DIAPH2: variants seen among roughly 807,000 people sequenced by gnomAD.
DIAPH2 encodes the protein diaphanous related formin 2, also known as protein diaphanous homolog 2.
In DIAPH2, 35 loss-of-function variants were observed where a neutral mutation model predicts 92.7. The observed-to-expected ratio is 0.38, with a 90% CI of 0.29 to 0.50. The LOEUF (loss-of-function observed/expected upper bound fraction) is 0.50. DIAPH2 is among the 20% of genes least tolerant of loss of function. The pLI, the probability that DIAPH2 is intolerant of heterozygous loss-of-function variation, is 0.94. For missense variants in DIAPH2, 701 were observed against 819.5 expected, an observed-to-expected ratio of 0.86 and a Z score of 1.77; for synonymous variants, 301 against 280.4, an observed-to-expected ratio of 1.07 and a Z score of -0.73.
chrX:97,442,453 A>G (rs1046556458), intron 26 of DIAPH2, among the ~76,000 whole-genome samples: 1 of 112,864 alleles, frequency 8.9e-6, no homozygotes, highest in African/African-American at 3.2e-5. Flanking sequence ...ACAGGTTGTC[A>G]TAAGTACCTT....
intron 26 of DIAPH2, among the ~76,000 whole-genome samples, chrX:97,531,182 A>G (rs185651406): frequency 9.0e-6 from 1 of 111,652 alleles, no homozygotes; most frequent in Non-Finnish European, 1.9e-5. Context: ...TAATAGAGAT[A>G]GGTTGTATTG....
In DIAPH2 at chrX:97,330,128, T is replaced by C. The variant is rs748971808; in HGVS notation, c.2845-17988T>C. ...GTGTGTGTGTATGTGTGTGTATGTG[T>C]GTGTAGAGTTAGTGACCTAAATAGA... On this transcript the variant is annotated intron_variant, in intron 23 of 26. Transcript: ENST00000324765. Among the ~76,000 whole-genome samples, 8 of 108,758 alleles carry C rather than the reference T, an allele frequency of 7.4e-5. No individual in the cohort carries two copies. The South Asian group carries it at 1.7e-3, about 23-fold the overall frequency. 94.4% of individuals were successfully genotyped at this position (108,758 alleles called of 115,157 possible).
At chrX:97,064,678 C>T (rs1189358355) in intron 17 of DIAPH2, among the ~76,000 whole-genome samples, 1 of 111,113 alleles carries the variant, frequency 9.0e-6, no homozygotes, top group African/African-American at 3.3e-5. Context: ...GAAGAAACCA[C>T]AGCTTTGAGT....
At position 97,039,520 on chromosome X, in the gene DIAPH2, A is replaced by C. The variant is rs181991726; in HGVS notation, c.2051-33421A>C. ...GAAACAGAAGAGTATAATAATTGTG[A>C]TAGGGACTCAAGAGAAATTATACAA... is the stretch of plus-strand genomic sequence containing the variant. On this transcript the variant is annotated intron_variant, in intron 17 of 26. Coordinates refer to ENST00000324765, the MANE Select transcript of DIAPH2 (RefSeq NM_006729.5). 2.8e-3 allele frequency among the ~76,000 whole-genome samples: 318 copies of C among 111,662 alleles called. 2 individuals are homozygous for C. Among genetic ancestry groups the C allele is most frequent in the Non-Finnish European group, 5.0e-3 (265 of 53,067 alleles).
intron 26 of DIAPH2, chrX:97,528,962 T>G (rs1193343896): frequency 9.1e-6 from 1 of 110,046 alleles, no homozygotes; most frequent in Non-Finnish European, 1.9e-5. Flanking sequence ...TAATCTCAGC[T>G]ACTCAGGAGA....
chrX:96,725,006 T>C (rs2064012365), intron 1 of DIAPH2, among the ~76,000 whole-genome samples: 1 of 111,415 alleles, frequency 9.0e-6, no homozygotes, highest in South Asian at 3.8e-4. Flanking sequence ...CAGCTCTTAC[T>C]CCACTTCAAT....
At chrX:96,687,361 G>A (rs1043693322) in intron 1 of DIAPH2, among the ~76,000 whole-genome samples, 1 of 112,023 alleles carries the variant, frequency 8.9e-6, no homozygotes, top group Non-Finnish European at 1.9e-5. Context: ...GATTCATAAG[G>A]TATAAGGCTT....
chrX:97,273,049 G>C (rs1010665567), intron 23 of DIAPH2, among the ~76,000 whole-genome samples: 2 of 111,838 alleles, frequency 1.8e-5, no homozygotes, highest in Non-Finnish European at 3.8e-5. Flanking sequence ...CAGCTACTCG[G>C]GAGGCTGAGG....
intron 21 of DIAPH2, among the ~76,000 whole-genome samples, chrX:97,128,047 A>G (rs781510318): frequency 8.1e-4 from 90 of 111,210 alleles, no homozygotes; most frequent in African/African-American, 2.9e-3. Flanking sequence ...GGGTTCTTGG[A>G]TCTCGCACAA....
chrX:96,981,183 A>C (rs2065994910), intron 17 of DIAPH2, among the ~76,000 whole-genome samples: 1 of 109,986 alleles, frequency 9.1e-6, no homozygotes, highest in East Asian at 2.8e-4. Context: ...GGGAAAAAAA[A>C]AAATTGTATA....
chrX:96,923,095 A>G (rs2065556928), intron 9 of DIAPH2, among the ~76,000 whole-genome samples: 2 of 111,731 alleles, frequency 1.8e-5, no homozygotes, highest in South Asian at 7.4e-4. Context: ...TATACTGAGC[A>G]TGAATAATGG....
intron 19 of DIAPH2, among the ~76,000 whole-genome samples, chrX:97,087,626 A>G (rs949129933): frequency 1.8e-5 from 2 of 111,824 alleles, no homozygotes; most frequent in Non-Finnish European, 3.8e-5. Context: ...ATACTTATAA[A>G]AATTGGTTAT....
At chrX:97,227,903 T>A (rs1014695681) in intron 22 of DIAPH2, among the ~76,000 whole-genome samples, 11 of 111,445 alleles carry the variant, frequency 9.9e-5, no homozygotes, top group Non-Finnish European at 1.9e-4. Flanking sequence ...TAAAAAAATT[T>A]TTTTTCAATA....
chrX:97,484,670 G>A (rs757864997), intron 26 of DIAPH2, among the ~76,000 whole-genome samples: 2 of 111,572 alleles, frequency 1.8e-5, no homozygotes, highest in South Asian at 3.8e-4. Context: ...AGGCCGAGGC[G>A]GGCAGATCAC....
At chrX:97,055,867 C>G (rs552191952) in intron 17 of DIAPH2, among the ~76,000 whole-genome samples, 1 of 111,364 alleles carries the variant, frequency 9.0e-6, no homozygotes, top group African/African-American at 3.3e-5. Context: ...CTTCCTATAT[C>G]GATGTATATA....
At chrX:97,335,050 TAA>T (rs1439631395) in intron 23 of DIAPH2, among the ~76,000 whole-genome samples, 12 of 97,643 alleles carry the variant, frequency 1.2e-4, no homozygotes, top group Admixed American at 5.7e-4. Flanking sequence ...CATGCTGGTT[TAA>T]AACAGTTTTG....
intron 17 of DIAPH2, among the ~76,000 whole-genome samples, chrX:97,066,076 A>G (rs2066632537): frequency 1.8e-5 from 2 of 112,050 alleles, no homozygotes; most frequent in African/African-American, 6.5e-5. Flanking sequence ...AGTTTAAGTT[A>G]TTATTGAAGA....
chrX:97,019,544 A>T (rs766780218), intron 17 of DIAPH2, among the ~76,000 whole-genome samples: 1 of 110,749 alleles, frequency 9.0e-6, no homozygotes, highest in South Asian at 3.9e-4. Flanking sequence ...TGCCTCCCCT[A>T]ACCTGAGGCC....
intron 22 of DIAPH2, among the ~76,000 whole-genome samples, chrX:97,207,424 T>C (rs1425436694): frequency 2.7e-5 from 3 of 112,014 alleles, no homozygotes; most frequent in Non-Finnish European, 5.6e-5. Flanking sequence ...GCGATGATGA[T>C]GATGATGATG....
Sources: allele counts gnomAD v4.1 joint callset (sites outside exome capture counted in the v4.1 genomes callset), GRCh38; gene constraint gnomAD v4.1.1; transcripts MANE v1.5; gene names NCBI Gene and HGNC (gene_info 2026-07-23, HGNC 2026-07-21).